Variants in GRAMD2A observed in about 807,000 individuals in gnomAD.
GRAMD2A encodes the protein GRAM domain-containing protein 2A.
A neutral mutation model predicts 51.1 loss-of-function variants in GRAMD2A; 37 were observed. The ratio of observed to expected loss-of-function variants is 0.72; its 90% CI spans 0.56 to 0.95. The LOEUF is 0.95. Ranked by LOEUF, GRAMD2A falls within the 40% of genes least tolerant of loss-of-function variation. GRAMD2A has a pLI of 0.00. For missense variants in GRAMD2A, 414 were observed against 426.9 expected (o/e 0.97, Z 0.27); for synonymous variants, 136 against 157.1 (o/e 0.87, Z 1.01).
chr15:72,187,164 A>G (rs746096543), intron 1 of GRAMD2A, among the ~76,000 whole-genome samples: 1 of 150,954 alleles, frequency 6.6e-6, no homozygotes, highest in Non-Finnish European at 1.5e-5. Context: ...CTGTCTCAAA[A>G]GAAAAAAAAA....
At chr15:72,177,921 T>G (rs906561955) in intron 1 of GRAMD2A, among the ~76,000 whole-genome samples, 3 of 152,252 alleles carry the variant, frequency 2.0e-5, no homozygotes, top group Admixed American at 2.0e-4. Context: ...AGAGACGGGG[T>G]TTCACCATGT....
At chr15:72,162,517 C>T (rs2081489717) in intron 10 of GRAMD2A, 140 bp from the exon 11 acceptor site, 1 of 620,224 alleles carries the variant, frequency 1.6e-6, no homozygotes, top group Non-Finnish European at 2.8e-6. Flanking sequence ...CCAGTTCAGG[C>T]CTCAGCATCT....
rs945074267 is a variant in GRAMD2A at position 72,188,619 on chromosome 15, C to T, written c.41+9112G>A. On this transcript the variant is annotated intron_variant, in intron 1 of 11. Coordinates refer to ENST00000309731, the MANE Select transcript of GRAMD2A (RefSeq NM_001012642.3). ...ACTAAAATTCTAACATTTTCCTCCA[C>T]GAATTGGGATTTTTACATGTTTTTT... 5.3e-5 allele frequency among the ~76,000 whole-genome samples: 8 copies of T among 152,094 alleles called. 1 individual carries two copies. Among genetic ancestry groups the T allele is most frequent in the African/African-American group, 1.2e-4 (5 of 41,492 alleles).
chr15:72,181,281 T>C (rs2081695823), intron 1 of GRAMD2A, among the ~76,000 whole-genome samples: 1 of 152,232 alleles, frequency 6.6e-6, no homozygotes, highest in Non-Finnish European at 1.5e-5. Context: ...GGGGAACCAA[T>C]GTAGAGATTT....
intron 1 of GRAMD2A, among the ~76,000 whole-genome samples, chr15:72,186,220 A>G (rs959916052): frequency 1.3e-5 from 2 of 152,178 alleles, no homozygotes; most frequent in African/African-American, 4.8e-5. Context: ...AAAAATAGTC[A>G]TTCATTATTC....
At chr15:72,165,274 G>C (rs1048722779) in intron 8 of GRAMD2A, 80 bp downstream of exon 8, 1 of 1,293,290 alleles carries the variant, frequency 7.7e-7, no homozygotes, top group Admixed American at 1.8e-5. Flanking sequence ...TGCATTGTGG[G>C]CCCCCCTAGG....
Position 72,170,020 on chromosome 15 carries a change from C to T in GRAMD2A, c.42-81G>A. On this transcript the variant is annotated intron_variant, in intron 1 of 11. Coordinates refer to ENST00000309731, the MANE Select transcript of GRAMD2A (RefSeq NM_001012642.3). This position sits in a 1 kb window ranked among gnomAD's most constrained non-coding sequence, Gnocchi z 4.5. ...AACAGCCCCACCATGCCCATGGCCG[C>T]TGCCTCTGGCCCCCACCCAAGACTG... 2 of 994,742 alleles carry T rather than the reference C, an allele frequency of 2.0e-6. No individual in the cohort carries two copies. Among genetic ancestry groups the T allele is most frequent in the Non-Finnish European group, 3.2e-6 (2 of 615,840 alleles). 61.6% of individuals were successfully genotyped at this position (994,742 alleles called of 1,614,324 possible).
intron 2 of GRAMD2A, chr15:72,169,441 A>C (rs1291347392): frequency 1.2e-5 from 6 of 512,842 alleles, no homozygotes; most frequent in South Asian, 7.7e-5. Context: ...GCCACAGGCC[A>C]TGATGCCAGC....
intron 1 of GRAMD2A, among the ~76,000 whole-genome samples, chr15:72,179,890 C>T (rs2081683968): frequency 6.6e-6 from 1 of 152,218 alleles, no homozygotes; most frequent in South Asian, 2.1e-4. Flanking sequence ...ACATGTCCTC[C>T]ATGCCTGAAT....
rs372171969 is a variant in GRAMD2A at position 72,162,139 on chromosome 15, G to A, written c.1062-127C>T. ...AGGGTGGGACTGGTGTACCCTGCAC[G>A]CTGCCCAACCTTGCTTAGGGTCAGA... On this transcript the variant is annotated intron_variant, in intron 11 of 11. Transcript: ENST00000309731. 3.1e-5 allele frequency: 42 copies of A among 1,367,358 alleles called. No individual in the cohort carries two copies. In the East Asian group the frequency reaches 4.1e-4, roughly 13 times the overall value. The allele number at this position is 1,367,358 out of a possible 1,614,324, so 84.7% of individuals were successfully genotyped here.
intron 1 of GRAMD2A, among the ~76,000 whole-genome samples, chr15:72,178,568 C>CTTTTTTTTTTTT (rs537075334): frequency 3.6e-5 from 3 of 84,200 alleles, no homozygotes; most frequent in East Asian, 4.4e-4. Flanking sequence ...CTTGCACTTT[C>CTTTTTTTTTTTT]TTTTTTTTTT....
chr15:72,176,070 G>A (rs1232364866), intron 1 of GRAMD2A: 2 of 152,554 alleles, frequency 1.3e-5, no homozygotes, highest in African/African-American at 4.8e-5. Context: ...AGGAACTCAG[G>A]TGGGAGGTAG....
chr15:72,164,160 T>C (rs2081514130), intron 8 of GRAMD2A, among the ~76,000 whole-genome samples: 1 of 152,138 alleles, frequency 6.6e-6, no homozygotes, highest in African/African-American at 2.4e-5. Flanking sequence ...TCTACAAAAA[T>C]GGGAACTTCA....
chr15:72,197,210 G>A (rs2081812615), intron 1 of GRAMD2A, among the ~76,000 whole-genome samples: 1 of 152,132 alleles, frequency 6.6e-6, no homozygotes, highest in South Asian at 2.1e-4. Context: ...GCGTCGTGCT[G>A]AGACAGCTCC....
At chr15:72,197,654 C>G in intron 1 of GRAMD2A, 77 bp downstream of exon 1, 1 of 1,174,056 alleles carries the variant, frequency 8.5e-7, no homozygotes, top group Non-Finnish European at 1.1e-6. Flanking sequence ...CAGGAGCCGT[C>G]CTGCCCCGCG....
chr15:72,188,612 T>C (rs2081748923), intron 1 of GRAMD2A, among the ~76,000 whole-genome samples: 2 of 152,180 alleles, frequency 1.3e-5, no homozygotes, highest in African/African-American at 4.8e-5. Flanking sequence ...TCTAACATTT[T>C]CCTCCACGAA....
Position 72,170,666 on chromosome 15 carries a change from A to G in GRAMD2A, c.42-727T>C, listed in dbSNP as rs79440764. On this transcript the variant is annotated intron_variant, in intron 1 of 11. Transcript: ENST00000309731. The surrounding 1 kb of genome is among the most constrained non-coding windows in gnomAD (Gnocchi z 4.5). ...CCTGCCTCCACTAATCGCTCCAAAG[A>G]ATCATTACCCTGTTCCTGCTCCTCC... Among the ~76,000 whole-genome samples the G allele has an allele frequency of 2.3e-3, 347 of 152,256 alleles. 1 individual carries two copies. The highest frequency in any genetic ancestry group is 3.5e-3 in the Non-Finnish European group (236 of 68,004).
At chr15:72,193,081 G>T (rs1213171349) in intron 1 of GRAMD2A, among the ~76,000 whole-genome samples, 1 of 151,736 alleles carries the variant, frequency 6.6e-6, no homozygotes, top group African/African-American at 2.4e-5. Flanking sequence ...AGCTGATATC[G>T]TGCCATTGCA....
intron 1 of GRAMD2A, among the ~76,000 whole-genome samples, chr15:72,180,053 C>T (rs1413807009): frequency 1.3e-5 from 2 of 152,224 alleles, no homozygotes; most frequent in Non-Finnish European, 2.9e-5. Context: ...CCTCCCTCCA[C>T]CAGAGGTTAG....
Sources: gnomAD v4.1 joint callset for allele counts (sites outside exome capture counted in the v4.1 genomes callset) on GRCh38, gnomAD v4.1.1 for gene constraint, Gnocchi (gnomAD v3.1) non-coding constraint, MANE v1.5 for transcripts, NCBI Gene and HGNC (gene_info 2026-07-23, HGNC 2026-07-21) for gene names.